The following PDK3 variants were observed in gnomAD, a reference collection of about 807,000 sequenced individuals.
The protein encoded by PDK3 is pyruvate dehydrogenase kinase, isozyme 3.
Under a neutral mutation model 32.0 loss-of-function variants are expected in PDK3, and 12 were observed. That is an observed-to-expected ratio of 0.37 (90% confidence interval 0.24 to 0.61). The LOEUF is 0.61. Among genes scored for constraint, PDK3 ranks in the 20% least tolerant of loss-of-function variants. The pLI is 0.65. For synonymous variants in PDK3, 122 were observed against 116.3 expected (o/e 1.05, Z -0.31); for missense variants, 188 against 316.9 (o/e 0.59, Z 3.09).
downstream of PDK3, among the ~76,000 whole-genome samples, chrX:24,536,251 C>T (rs990688759): frequency 3.6e-5 from 4 of 111,594 alleles, no homozygotes; most frequent in Non-Finnish European, 7.5e-5. Context: ...GTTATTTTGG[C>T]ACTATGCAAA....
intron 1 of PDK3, among the ~76,000 whole-genome samples, chrX:24,484,867 A>T (rs866672770): frequency 9.2e-6 from 1 of 108,822 alleles, no homozygotes; most frequent in African/African-American, 3.4e-5. Flanking sequence ...TCTCTCTCTC[A>T]CATACACATG....
intron 1 of PDK3, among the ~76,000 whole-genome samples, chrX:24,472,390 A>C (rs1487264555): frequency 8.9e-6 from 1 of 111,795 alleles, no homozygotes; most frequent in Non-Finnish European, 1.9e-5. Context: ...CCACTTTATC[A>C]CCTGTAAATT....
rs10682263 is a variant in PDK3, at chrX:24,506,801, C to CTTTTTTTTTTT, written c.595+1520_595+1530dup. Among the ~76,000 whole-genome samples, 11 of 49,505 alleles carry CTTTTTTTTTTT rather than the reference C, an allele frequency of 2.2e-4. 2 individuals carry two copies. The highest frequency in any genetic ancestry group is 5.5e-4 in the Admixed American group (2 of 3,666). The allele number at this position is 49,505 out of a possible 115,157, so 43.0% of individuals were successfully genotyped here. On this transcript the variant is annotated intron_variant, in intron 5 of 10. Transcript: ENST00000379162. ...TGTAGAACATTTTGTTTTTTTCTTT[C>CTTTTTTTTTTT]TTTTTTTTTTTTTTTTTTTTTTTTT...
At chrX:24,485,158 G>C (rs1271241139) in intron 1 of PDK3, among the ~76,000 whole-genome samples, 1 of 111,286 alleles carries the variant, frequency 9.0e-6, no homozygotes, top group African/African-American at 3.3e-5. Flanking sequence ...GACCAGCCTG[G>C]CCAACATGGT....
chrX:24,488,116 C>T (rs1390190529), intron 1 of PDK3, among the ~76,000 whole-genome samples: 9 of 107,449 alleles, frequency 8.4e-5, no homozygotes, highest in Admixed American at 4.0e-4. Flanking sequence ...AGGATTAAAA[C>T]GAAGCCAGGG....
intron 1 of PDK3, among the ~76,000 whole-genome samples, chrX:24,479,845 C>G (rs780757135): frequency 2.7e-5 from 3 of 111,349 alleles, no homozygotes; most frequent in Non-Finnish European, 5.7e-5. Context: ...TCAATAGATT[C>G]GACTAGCACT....
In PDK3 at chrX:24,534,299, A is replaced by T. The variant is rs1400308398; in HGVS notation, c.*227A>T. On this transcript the variant is annotated 3_prime_UTR_variant, in exon 11 of 11. Coordinates refer to ENST00000379162, the MANE Select transcript of PDK3 (RefSeq NM_005391.5). ...AAATGATCAATCAAGATAAAAGGTG[A>T]TCTATCCATCCAATGGAATATTATT... is the stretch of plus-strand genomic sequence containing the variant. 2.4e-6 allele frequency: 2 copies of T among 832,264 alleles called. No individual in the cohort carries two copies. Among genetic ancestry groups the T allele is most frequent in the Non-Finnish European group, 3.0e-6 (2 of 658,963 alleles). The allele number at this position is 832,264 out of a possible 1,213,427, so 68.6% of individuals were successfully genotyped here. A position where few individuals can be genotyped will look rare whatever the true frequency, so the allele number is the denominator to read the frequency against.
At chrX:24,532,064 G>A (rs1359919453) in intron 10 of PDK3, among the ~76,000 whole-genome samples, 1 of 111,176 alleles carries the variant, frequency 9.0e-6, no homozygotes, top group African/African-American at 3.3e-5. Flanking sequence ...TCAGGAGTTC[G>A]AGACCAGCCT....
At chrX:24,497,295 A>T (rs1171978674) in intron 2 of PDK3, among the ~76,000 whole-genome samples, 1 of 110,265 alleles carries the variant, frequency 9.1e-6, no homozygotes, top group Non-Finnish European at 1.9e-5. Flanking sequence ...TATTTTATTT[A>T]TTTTTTTGAG....
At chrX:24,525,217 A>G (rs751606119) in intron 6 of PDK3, among the ~76,000 whole-genome samples, 1 of 111,714 alleles carries the variant, frequency 9.0e-6, no homozygotes, top group East Asian at 2.8e-4. Flanking sequence ...ATTTAGACTC[A>G]AAAGCTCTTT....
intron 6 of PDK3, among the ~76,000 whole-genome samples, chrX:24,519,833 C>A (rs929841976): frequency 6.3e-5 from 7 of 111,717 alleles, no homozygotes; most frequent in African/African-American, 2.3e-4. Context: ...TCTATTTGGC[C>A]CAGTAAATAA....
chrX:24,484,381 A>G (rs901514078), intron 1 of PDK3, among the ~76,000 whole-genome samples: 1 of 112,711 alleles, frequency 8.9e-6, no homozygotes, highest in Non-Finnish European at 1.9e-5. Context: ...TTGAGGAATC[A>G]TGATACAGGA....
intron 3 of PDK3, among the ~76,000 whole-genome samples, chrX:24,501,677 A>G (rs1383917433): frequency 8.9e-6 from 1 of 112,623 alleles, no homozygotes; most frequent in African/African-American, 3.2e-5. Context: ...GTGCCACTGC[A>G]CTCTAGCCTG....
At chrX:24,541,054 CA>C (rs1480960805) in exon 12 of PDK3, among the ~76,000 whole-genome samples, 2 of 106,176 alleles carry the variant, frequency 1.9e-5, no homozygotes, top group East Asian at 5.9e-4. Flanking sequence ...GGATTACAGG[CA>C]TGCACCACCA....
At chrX:24,543,994 G>A (rs925345092) in exon 12 of PDK3, among the ~76,000 whole-genome samples, 2 of 111,510 alleles carry the variant, frequency 1.8e-5, no homozygotes, top group Admixed American at 1.9e-4. Flanking sequence ...CATGGTACCA[G>A]TTTTACCTGT....
downstream of PDK3, chrX:24,539,174 T>C (rs969731207): frequency 9.1e-7 from 1 of 1,094,557 alleles, no homozygotes; most frequent in Admixed American, 2.6e-5. Flanking sequence ...GAGGACTGAA[T>C]GCTGTGGTCC....
intron 6 of PDK3, among the ~76,000 whole-genome samples, chrX:24,523,964 A>G (rs768540281): frequency 8.9e-6 from 1 of 112,464 alleles, no homozygotes; most frequent in Admixed American, 9.4e-5. Flanking sequence ...AGCCAGCAGC[A>G]AGAACCAAAC....
At chrX:24,532,663 G>T (rs1922678212) in intron 10 of PDK3, among the ~76,000 whole-genome samples, 1 of 111,942 alleles carries the variant, frequency 8.9e-6, no homozygotes, top group Non-Finnish European at 1.9e-5. Context: ...CGCCAGTTCT[G>T]TTCAGCGAAG....
At chrX:24,504,700 T>C (rs1187593113) in intron 4 of PDK3, among the ~76,000 whole-genome samples, 1 of 112,321 alleles carries the variant, frequency 8.9e-6, no homozygotes, top group Non-Finnish European at 1.9e-5. Context: ...GAGTGTATTT[T>C]TAAAAATACT....
Sources: gnomAD v4.1 joint callset for allele counts (sites outside exome capture counted in the v4.1 genomes callset) on GRCh38, gnomAD v4.1.1 for gene constraint, MANE v1.5 for transcripts, NCBI Gene and HGNC (gene_info 2026-07-23, HGNC 2026-07-21) for gene names.